Variants in CNTLN observed in about 807,000 individuals in gnomAD.
The protein encoded by CNTLN is centlein, centrosomal protein.
In CNTLN, 212 loss-of-function variants were observed where a neutral mutation model predicts 180.0. The observed-to-expected ratio is 1.18, with a 90% CI of 1.05 to 1.32. The LOEUF is 1.32. Among genes scored for constraint, CNTLN ranks in the 40% most tolerant of loss-of-function variants. The pLI is 0.00. For missense variants in CNTLN, 2,095 were observed against 1,610.9 expected, an observed-to-expected ratio of 1.30 and a Z score of -5.14; for synonymous variants, 722 against 563.1, an observed-to-expected ratio of 1.28 and a Z score of -3.99.
intron 23 of CNTLN, among the ~76,000 whole-genome samples, chr9:17,481,796 C>T (rs1832663718): frequency 6.6e-6 from 1 of 152,236 alleles, no homozygotes; most frequent in South Asian, 2.1e-4. Context: ...CCCTGTCTGA[C>T]TGCAGAGCCC....
At chr9:17,266,565 A>G (rs914511264) in intron 5 of CNTLN, among the ~76,000 whole-genome samples, 2 of 152,074 alleles carry the variant, frequency 1.3e-5, no homozygotes, top group African/African-American at 4.8e-5. Context: ...TGCTTGGTGC[A>G]GAGCTGAGTT....
At chr9:17,340,766 T>A (rs1287549214) in intron 10 of CNTLN, 61 bp from the exon 11 acceptor site, 16 of 1,417,370 alleles carry the variant, frequency 1.1e-5, no homozygotes, top group Non-Finnish European at 1.3e-5. Context: ...ACCTTTTATT[T>A]GAAACATTAT....
At chr9:17,367,637 G>A (rs1431725933) in intron 13 of CNTLN, among the ~76,000 whole-genome samples, 2 of 152,096 alleles carry the variant, frequency 1.3e-5, no homozygotes, top group Non-Finnish European at 2.9e-5. Flanking sequence ...TCTTTGTCTT[G>A]CATCTTGGAC....
chr9:17,509,416 A>G, the CNTLN span, among the ~76,000 whole-genome samples: 2 of 152,338 alleles, frequency 1.3e-5, no homozygotes, highest in East Asian at 3.9e-4. Flanking sequence ...CTGTGGACTT[A>G]CAGAATGCCT....
At chr9:17,233,382 T>C (rs1563906278) in intron 3 of CNTLN, among the ~76,000 whole-genome samples, 1 of 152,140 alleles carries the variant, frequency 6.6e-6, no homozygotes, top group Non-Finnish European at 1.5e-5. Context: ...AGCATGTCTG[T>C]TTTATAAGTT....
chr9:17,243,348 T>C (rs1825609144), intron 5 of CNTLN, among the ~76,000 whole-genome samples: 2 of 152,172 alleles, frequency 1.3e-5, no homozygotes, highest in African/African-American at 2.4e-5. Flanking sequence ...ATTATTTCTT[T>C]TCTTCTAATT....
chr9:17,499,904 A>G (rs1249213300), intron 25 of CNTLN, among the ~76,000 whole-genome samples: 1 of 152,194 alleles, frequency 6.6e-6, no homozygotes, highest in African/African-American at 2.4e-5. Flanking sequence ...GTTTAGAGGA[A>G]AATATTGTCA....
intron 18 of CNTLN, among the ~76,000 whole-genome samples, chr9:17,436,649 G>A (rs908416199): frequency 6.6e-6 from 1 of 152,118 alleles, no homozygotes; most frequent in Non-Finnish European, 1.5e-5. Context: ...TGTATTTGGA[G>A]TTATGTGATT....
At chr9:17,428,341 G>A (rs371305078) in intron 18 of CNTLN, among the ~76,000 whole-genome samples, 15 of 152,034 alleles carry the variant, frequency 9.9e-5, no homozygotes, top group African/African-American at 2.9e-4. Context: ...TGCTTACTAC[G>A]TACAGGGCAT....
At chr9:17,267,935 C>T (rs896571761) in intron 5 of CNTLN, among the ~76,000 whole-genome samples, 5 of 152,186 alleles carry the variant, frequency 3.3e-5, no homozygotes, top group Non-Finnish European at 5.9e-5. Context: ...GTTATCCATT[C>T]GTCTAATTTT....
intron 2 of CNTLN, chr9:17,167,503 G>GC (rs1304654067): frequency 6.6e-6 from 1 of 152,248 alleles, no homozygotes; most frequent in Non-Finnish European, 1.5e-5. Context: ...AAGGGAAGGT[G>GC]CATAGGCTGT....
intron 2 of CNTLN, among the ~76,000 whole-genome samples, chr9:17,188,107 A>G (rs941495777): frequency 2.6e-5 from 4 of 151,378 alleles, no homozygotes; most frequent in African/African-American, 9.7e-5. Flanking sequence ...TTCCTCCGCA[A>G]AGTTTCATAT....
chr9:17,472,767 G>C (rs1832101371), intron 23 of CNTLN, among the ~76,000 whole-genome samples: 1 of 152,066 alleles, frequency 6.6e-6, no homozygotes, highest in African/African-American at 2.4e-5. Flanking sequence ...ACTACCCTTG[G>C]CCTTGTCATT....
intron 2 of CNTLN, among the ~76,000 whole-genome samples, chr9:17,220,010 C>A (rs1162255165): frequency 6.6e-6 from 1 of 151,998 alleles, no homozygotes; most frequent in Non-Finnish European, 1.5e-5. Flanking sequence ...GTTATTAGGG[C>A]CTCAATATAT....
chr9:17,267,249 C>CTCAGCATTT (rs1270259592), intron 5 of CNTLN, among the ~76,000 whole-genome samples: 2 of 152,124 alleles, frequency 1.3e-5, no homozygotes. Context: ...GACAAAATCT[C>CTCAGCATTT]TCAGCATTTG....
intron 8 of CNTLN, among the ~76,000 whole-genome samples, chr9:17,315,644 A>G (rs1819490267): frequency 6.6e-6 from 1 of 151,960 alleles, no homozygotes; most frequent in South Asian, 2.1e-4. Context: ...TTCCATATAT[A>G]TTTTGAGCTC....
At chr9:17,474,290 C>T (rs1297719382) in intron 23 of CNTLN, among the ~76,000 whole-genome samples, 1 of 152,162 alleles carries the variant, frequency 6.6e-6, no homozygotes, top group East Asian at 1.9e-4. Flanking sequence ...TATTTTGCTT[C>T]TCCTAGCTTT....
chr9:17,419,188 A>G (rs893791432), intron 18 of CNTLN, among the ~76,000 whole-genome samples: 1 of 152,108 alleles, frequency 6.6e-6, no homozygotes, highest in Non-Finnish European at 1.5e-5. Context: ...GTATTTTACA[A>G]CTATGAGCTA....
At chr9:17,344,765 T>C (rs1821746865) in intron 12 of CNTLN, among the ~76,000 whole-genome samples, 1 of 152,180 alleles carries the variant, frequency 6.6e-6, no homozygotes, top group Admixed American at 6.6e-5. Context: ...GTATGTAGTA[T>C]GTTGAATGTT....
Sources: allele counts gnomAD v4.1 joint callset (sites outside exome capture counted in the v4.1 genomes callset), GRCh38; gene constraint gnomAD v4.1.1; transcripts MANE v1.5; gene names NCBI Gene and HGNC (gene_info 2026-07-23, HGNC 2026-07-21).